The following UPP1 variants were observed in gnomAD, a reference collection of about 807,000 sequenced individuals.
The protein encoded by UPP1 is uridine phosphorylase 1, also known as UPase 1.
A neutral mutation model predicts 29.6 loss-of-function variants in UPP1; 25 were observed. The ratio of observed to expected loss-of-function variants is 0.85; its 90% CI spans 0.62 to 1.18. The LOEUF (loss-of-function observed/expected upper bound fraction) is 1.18. Among genes scored for constraint, UPP1 ranks in the 50% most tolerant of loss-of-function variants. The probability of loss-of-function intolerance (pLI) is 0.00; values close to 1 mark genes in which losing one functional copy is unlikely to be tolerated. For missense variants in UPP1, 368 were observed against 410.4 expected (o/e 0.90, Z 0.89); for synonymous variants, 165 against 159.8 (o/e 1.03, Z -0.25).
intron 2 of UPP1, among the ~76,000 whole-genome samples, chr7:48,093,794 C>G (rs1791977891): frequency 6.6e-6 from 1 of 152,162 alleles, no homozygotes; most frequent in South Asian, 2.1e-4. Context: ...CGCTGCTCCC[C>G]CTGGAGCTGA....
upstream of UPP1, chr7:48,089,233 CAT>C (rs1056010463): frequency 8.7e-4 from 133 of 152,454 alleles, no homozygotes; most frequent in African/African-American, 2.9e-3. Context: ...TCGCAGACTC[CAT>C]ATGAGATTCA....
chr7:48,101,878 G>A lies in UPP1; in HGVS notation c.217G>A (p.Gly73Ser), dbSNP rs1182556239. ...GATGAAAGCCTTCATCAGGTGCGTT[G>A]GTGCAGAGCTGGGCCTTGACTGCCC... ...SRMKAFIRCV[G>S]AELGLDCPGR... is the part of the protein sequence containing the mutation. The change falls in exon 5 of 9, where the codon GGT (glycine) becomes AGT (serine). Residue 73 changes from glycine to serine, a missense_variant. Physicochemically the swap from Gly to Ser is moderately conservative, Grantham distance 56. Coordinates refer to ENST00000395564, the MANE Select transcript of UPP1 (RefSeq NM_003364.4). The A allele has an allele frequency of 1.2e-6, 2 of 1,613,910 alleles. No individual in the cohort carries two copies. Among genetic ancestry groups the A allele is most frequent in the African/African-American group, 1.3e-5 (1 of 74,856 alleles).
At chr7:48,105,293 C>A (rs945714067) in intron 6 of UPP1, 1 of 152,290 alleles carries the variant, frequency 6.6e-6, no homozygotes, top group Non-Finnish European at 1.5e-5. Flanking sequence ...AGCTCCAGCC[C>A]CAGTGCTGGG....
intron 6 of UPP1, chr7:48,103,999 C>G: frequency 1.0e-6 from 1 of 954,922 alleles, no homozygotes; most frequent in Non-Finnish European, 1.4e-6. Context: ...GCGGGCGGAT[C>G]ACAAGATCGG....
chr7:48,096,373 A>G (rs1792130583), intron 3 of UPP1, among the ~76,000 whole-genome samples: 1 of 152,162 alleles, frequency 6.6e-6, no homozygotes, highest in African/African-American at 2.4e-5. Flanking sequence ...ATGAATTGAT[A>G]TGTGCTAGCT....
At chr7:48,106,574 G>C in intron 6 of UPP1, 1 of 337,814 alleles carries the variant, frequency 3.0e-6, no homozygotes, top group Non-Finnish European at 5.7e-6. Context: ...GCCTCCCAAA[G>C]TGCTTGGGAT....
At chr7:48,101,185 G>C (rs992336142) in intron 4 of UPP1, among the ~76,000 whole-genome samples, 5 of 152,176 alleles carry the variant, frequency 3.3e-5, no homozygotes, top group African/African-American at 1.2e-4. Flanking sequence ...GATTACAGGT[G>C]TGAGCCACTG....
intron 2 of UPP1, among the ~76,000 whole-genome samples, chr7:48,094,469 A>G (rs577683057): frequency 2.0e-5 from 3 of 152,214 alleles, no homozygotes; most frequent in East Asian, 1.9e-4. Context: ...TGGCCTCCCA[A>G]AGTGCTGGGT....
rs549624672 is a variant in UPP1, at chr7:48,094,020, C to T, written c.-21-743C>T. ...ACTAAAAATACAAAAATTAGCTGAA[C>T]ATGGTGGCGTGTGTCTGTAGTCTCA... On this transcript the variant is annotated intron_variant, in intron 2 of 8. Coordinates refer to ENST00000395564, the MANE Select transcript of UPP1 (RefSeq NM_003364.4). Among the ~76,000 whole-genome samples, 7 of 152,198 alleles carry T rather than the reference C, an allele frequency of 4.6e-5. No homozygotes were observed. In the East Asian group the frequency reaches 1.4e-3, roughly 30 times the overall value.
rs1562655085 is a variant in UPP1, at chr7:48,101,923, A to G, written c.262A>G (p.Ile88Val). 1 of 1,614,118 alleles carries G rather than the reference A, an allele frequency of 6.2e-7. No homozygotes were observed. The highest frequency in any genetic ancestry group is 8.5e-7 in the Non-Finnish European group (1 of 1,180,018). The change falls in exon 5 of 9, where the codon ATC becomes GTC. Residue 88 changes from isoleucine (I) to valine (V), a missense_variant. Physicochemically the swap from Ile to Val is conservative, Grantham distance 29. Coordinates refer to ENST00000395564, the MANE Select transcript of UPP1 (RefSeq NM_003364.4). ...LDCPGRDYPN[I>V]CAGTDRYAMY... The stretch of plus-strand genomic sequence containing the variant: ...CTGCCCAGGTAGAGACTATCCCAAC[A>G]TCTGTGCGGGAACTGACCGCTATGC...
At chr7:48,101,644 AG>A (rs1485488491) in intron 4 of UPP1, among the ~76,000 whole-genome samples, 179 bp from the exon 5 acceptor site, 7 of 152,078 alleles carry the variant, frequency 4.6e-5, no homozygotes, top group Non-Finnish European at 7.4e-5. Flanking sequence ...ACCACTCACC[AG>A]GGGGCCTTGT....
chr7:48,095,692 G>A (rs528237109), intron 3 of UPP1, among the ~76,000 whole-genome samples: 2 of 151,924 alleles, frequency 1.3e-5, no homozygotes, highest in African/African-American at 4.8e-5. Context: ...CGCCCAGGCT[G>A]GAGTGCAGTG....
intron 6 of UPP1, among the ~76,000 whole-genome samples, chr7:48,104,264 CAAAG>C (rs1451724935): frequency 6.6e-6 from 1 of 152,104 alleles, no homozygotes; most frequent in Admixed American, 6.6e-5. Flanking sequence ...ACAAACATGG[CAAAG>C]AAAGAATGAG....
intron 4 of UPP1, among the ~76,000 whole-genome samples, chr7:48,100,121 G>A (rs1792343424): frequency 1.3e-5 from 2 of 152,300 alleles, no homozygotes; most frequent in Admixed American, 1.3e-4. Flanking sequence ...ACAAACCTAG[G>A]TGGTAGAGCC....
chr7:48,098,667 G>C (rs1792256182), intron 3 of UPP1, among the ~76,000 whole-genome samples: 1 of 152,114 alleles, frequency 6.6e-6, no homozygotes, highest in Admixed American at 6.5e-5. Context: ...CTTTTCTCAT[G>C]AGTTAGAATG....
At chr7:48,089,562 GAGCGGCCCGGCGCGGCTGCGCGGGGA>G (rs1047341177) in intron 1 of UPP1, 144 bp downstream of exon 1, 1 of 153,780 alleles carries the variant, frequency 6.5e-6, no homozygotes, top group Non-Finnish European at 1.4e-5. Flanking sequence ...GAGGAGCAGA[GAGCGGCCCGGCGCGGCTGCGCGGGGA>G]GGCGGGCGCG....
Position 48,106,884 on chromosome 7 carries a change from G to A in UPP1, c.448G>A (p.Gly150Ser), listed in dbSNP as rs1277141394. The change falls in exon 7 of 9, where the codon GGC (glycine) becomes AGC (serine). Residue 150 changes from glycine to serine, a missense_variant. Transcript: ENST00000395564. ...GCTTTTTTCCTCAGGTCTGGAGCCC[G>A]GCACTGTGGTCATAACAGAGCAGGC... Reference protein sequence around the residue: ...GTSGGIGLEPGTVVITEQAVD... With the variant: ...GTSGGIGLEPSTVVITEQAVD... 1.9e-5 allele frequency: 31 copies of A among 1,613,510 alleles called. No homozygotes were observed. Among genetic ancestry groups the A allele is most frequent in the Non-Finnish European group, 2.5e-5 (30 of 1,179,922 alleles).
At position 48,099,696 on chromosome 7, in the gene UPP1, C is replaced by T. The variant is rs1008827323; in HGVS notation, c.71C>T (p.Pro24Leu). ...HNDCPVRLLN[P>L]NIAKMKEDIL... ...GATTGCCCCGTCAGACTTTTAAATC[C>T]AAACATAGCAAAAATGAAAGAAGAT... Residue 24 changes from proline (P) to leucine (L), a missense_variant, in exon 4 of 9, where the codon CCA (proline) becomes CTA (leucine). Coordinates refer to ENST00000395564, the MANE Select transcript of UPP1 (RefSeq NM_003364.4). 1 of 1,613,296 alleles carries T rather than the reference C, an allele frequency of 6.2e-7. No homozygotes were observed. Among genetic ancestry groups the T allele is most frequent in the Non-Finnish European group, 8.5e-7 (1 of 1,179,378 alleles).
rs760698114 is a variant in UPP1, at chr7:48,101,884, G to A, written c.223G>A (p.Glu75Lys). ...MKAFIRCVGA[E>K]LGLDCPGRDY... ...AGCCTTCATCAGGTGCGTTGGTGCAGAGCTGGGCCTTGACTGCCCAGGTAG... is the reference window on the plus strand; with the variant it reads ...AGCCTTCATCAGGTGCGTTGGTGCAAAGCTGGGCCTTGACTGCCCAGGTAG... The change falls in exon 5 of 9, where the codon GAG becomes AAG. Residue 75 changes from glutamate to lysine, a missense_variant. By Grantham distance (56) the Glu-to-Lys change is moderately conservative. Transcript: ENST00000395564. The A allele has an allele frequency of 2.0e-5, 33 of 1,613,996 alleles. No homozygotes were observed. The highest frequency in any genetic ancestry group is 1.6e-4 in the Middle Eastern group (1 of 6,084).
Sources: allele counts gnomAD v4.1 joint callset (sites outside exome capture counted in the v4.1 genomes callset), GRCh38; gene constraint gnomAD v4.1.1; transcripts MANE v1.5; gene names NCBI Gene and HGNC (gene_info 2026-07-23, HGNC 2026-07-21).